Variants in KIFC3 observed in about 807,000 individuals in gnomAD.
KIFC3 encodes kinesin-like protein KIFC3.
In KIFC3, 60 loss-of-function variants were observed where a neutral mutation model predicts 101.8. The ratio of observed to expected loss-of-function variants is 0.59; its 90% confidence interval spans 0.48 to 0.73. The LOEUF is 0.73. Ranked by LOEUF, KIFC3 falls within the 30% of genes least tolerant of loss-of-function variation. KIFC3 has a pLI of 0.00. For synonymous variants in KIFC3, 476 were observed against 482.7 expected (o/e 0.99, Z 0.18); for missense variants, 966 against 1,137.1 (o/e 0.85, Z 2.16).
chr16:57,785,345 G>A (rs998144923), intron 3 of KIFC3: 2 of 438,900 alleles, frequency 4.6e-6, no homozygotes, highest in African/African-American at 2.1e-5. Context: ...TCCAGGAAAC[G>A]AGACCCCAGC....
At chr16:57,764,023 C>T in intron 12 of KIFC3, 120 bp downstream of exon 12, 1 of 753,868 alleles carries the variant, frequency 1.3e-6, no homozygotes, top group Non-Finnish European at 2.3e-6. Flanking sequence ...GCCTCTGCTC[C>T]TGGGTTGTGA....
At chr16:57,815,011 C>T (rs1293208140) in intron 1 of KIFC3, among the ~76,000 whole-genome samples, 1 of 152,184 alleles carries the variant, frequency 6.6e-6, no homozygotes, top group African/African-American at 2.4e-5. Context: ...GAACTGAAAC[C>T]AGCCTTAGGT....
At chr16:57,803,999 G>A (rs767269263), upstream of KIFC3, among the ~76,000 whole-genome samples, 39 of 152,116 alleles carry the variant, frequency 2.6e-4, no homozygotes, top group Non-Finnish European at 5.1e-4. Context: ...CGGGGGATGG[G>A]GAGGACAGAA....
In KIFC3 at chr16:57,769,820, C is replaced by A; in HGVS notation, c.1075G>T (p.Glu359Ter). 6.2e-7 allele frequency: 1 copy of A among 1,613,472 alleles called. No individual in the cohort carries two copies. Among genetic ancestry groups the A allele is most frequent in the Non-Finnish European group, 8.5e-7 (1 of 1,179,992 alleles). Reference sequence around the variant, plus strand: ...CTGGTCAGCTCACCTGCTAGATTCTCGTGCACAGCCTTCATCTCCACCTGG... The same window carrying A: ...CTGGTCAGCTCACCTGCTAGATTCTAGTGCACAGCCTTCATCTCCACCTGG... Reference protein sequence around the residue: ...RAQVEMKAVHENLAGVRTNLL... With the variant: ...RAQVEMKAVH The change falls in exon 8 of 20, where the codon GAG (glutamate) becomes TAG (stop). Residue 359 changes from glutamate (E) to a stop codon, truncating the protein, a stop_gained. Coordinates refer to ENST00000445690, the MANE Select transcript of KIFC3 (RefSeq NM_001130100.2). LOFTEE classifies it high-confidence loss of function. The surrounding 1 kb of genome is among the most constrained non-coding windows in gnomAD (Gnocchi z 4.3).
chr16:57,769,446 A>C lies in KIFC3; in HGVS notation c.1218+149T>G, dbSNP rs1479712325. The C allele has an allele frequency of 2.2e-5, 21 of 945,602 alleles. No homozygotes were observed. Among genetic ancestry groups the C allele is most frequent in the Non-Finnish European group, 1.7e-5 (11 of 649,018 alleles). 58.6% of individuals were successfully genotyped at this position (945,602 alleles called of 1,614,324 possible). ...AGTCTAGTTTCAAACAGGGCCTATA[A>C]GGGCAGCAGTAAGTGTCATGGGGGG... On this transcript the variant is annotated intron_variant, in intron 9 of 19. Transcript: ENST00000445690. This position sits in a 1 kb window ranked among gnomAD's most constrained non-coding sequence, Gnocchi z 4.3.
chr16:57,784,206 G>A (rs2053074937), intron 3 of KIFC3, among the ~76,000 whole-genome samples: 2 of 152,352 alleles, frequency 1.3e-5, no homozygotes, highest in Non-Finnish European at 2.9e-5. Context: ...CAAAAGGGGC[G>A]TGCACAAATA....
intron 3 of KIFC3, among the ~76,000 whole-genome samples, chr16:57,786,278 G>C (rs980158796): frequency 3.3e-5 from 5 of 152,216 alleles, no homozygotes; most frequent in African/African-American, 1.2e-4. Context: ...CCAGGCAAGA[G>C]AGAGGGAAAC....
intron 2 of KIFC3, 108 bp from the exon 3 acceptor site, chr16:57,795,249 T>C: frequency 7.5e-7 from 1 of 1,335,346 alleles, no homozygotes; most frequent in Non-Finnish European, 1.0e-6. Context: ...CACACATCCC[T>C]GGCTGGTCCA....
At chr16:57,780,722 T>C (rs1555614091) in intron 3 of KIFC3, among the ~76,000 whole-genome samples, 4 of 130,572 alleles carry the variant, frequency 3.1e-5, no homozygotes, top group Non-Finnish European at 6.3e-5. Context: ...TCACCCAGGC[T>C]GGAGTGCAGT....
intron 17 of KIFC3, 66 bp from the exon 18 acceptor site, chr16:57,759,902 T>G (rs2049623713): frequency 4.9e-6 from 6 of 1,235,306 alleles, no homozygotes; most frequent in Non-Finnish European, 5.7e-6. Flanking sequence ...CTGCTGTGCT[T>G]CTCTCTACTC....
intron 4 of KIFC3, 50 bp downstream of exon 4, chr16:57,772,173 A>C: frequency 6.5e-7 from 1 of 1,549,800 alleles, no homozygotes; most frequent in Non-Finnish European, 8.8e-7. Flanking sequence ...GCCCATCTGC[A>C]CAAGGCAGGC....
At chr16:57,777,738 A>T (rs554525562) in intron 3 of KIFC3, among the ~76,000 whole-genome samples, 101 of 149,644 alleles carry the variant, frequency 6.7e-4, no homozygotes, top group Non-Finnish European at 7.4e-4. Flanking sequence ...AAAAAAATTA[A>T]AAAAAAAAAA....
At position 57,759,817 on chromosome 16, in the gene KIFC3, G is replaced by T. The variant is rs554025520; in HGVS notation, c.2387C>A (p.Thr796Lys). Reference sequence around the variant, plus strand: ...GTGGGCCCGTGCCGAGGGCTGTGGCGTCTGACAAGCCGGCTCCCACTGTGA... The same window carrying T: ...GTGGGCCCGTGCCGAGGGCTGTGGCTTCTGACAAGCCGGCTCCCACTGTGA... ...EHLEWEPACQ[T>K]PQPSARAHSA... Residue 796 changes from threonine to lysine, a missense_variant, in exon 18 of 20, where the codon ACG becomes AAG. Around this residue, in one of 2 missense-constraint regions of KIFC3, gnomAD observed 689 missense variants for 884.6 expected, o/e 0.78. Coordinates refer to ENST00000445690, the MANE Select transcript of KIFC3 (RefSeq NM_001130100.2). The T allele has an allele frequency of 1.9e-6, 3 of 1,609,062 alleles. No individual in the cohort carries two copies. The African/African-American group carries it at 4.0e-5, about 22-fold the overall frequency.
At chr16:57,804,754 T>C (rs891189944), upstream of KIFC3, among the ~76,000 whole-genome samples, 5 of 151,576 alleles carry the variant, frequency 3.3e-5, no homozygotes, top group African/African-American at 1.2e-4. Flanking sequence ...TGTGCCTAGC[T>C]AATTTTTTTT....
rs1380409146 is a variant in KIFC3, at chr16:57,802,391, C to T, written c.-61G>A. The T allele has an allele frequency of 3.1e-6, 3 of 983,400 alleles. No homozygotes were observed. Among genetic ancestry groups the T allele is most frequent in the East Asian group, 2.3e-4 (2 of 8,776 alleles). 60.9% of individuals were successfully genotyped at this position (983,400 alleles called of 1,614,324 possible). On this transcript the variant is annotated 5_prime_UTR_variant, in exon 1 of 20. Coordinates refer to ENST00000445690, the MANE Select transcript of KIFC3 (RefSeq NM_001130100.2). The surrounding 1 kb of genome is among the most constrained non-coding windows in gnomAD (Gnocchi z 5.0). ...TCACCGGCCTGGCGGAGGCAGGATC[C>T]AGGCGTCGCCGCAGCGCCCGGGGCT...
chr16:57,830,204 C>CCT (rs2055546587), intron 1 of KIFC3, among the ~76,000 whole-genome samples: 1 of 151,514 alleles, frequency 6.6e-6, no homozygotes, highest in Non-Finnish European at 1.5e-5. Context: ...AGTGACCTTA[C>CCT]CTCTCTGACT....
At chr16:57,852,417 G>A (rs1401590102) in intron 1 of KIFC3, among the ~76,000 whole-genome samples, 1 of 152,168 alleles carries the variant, frequency 6.6e-6, no homozygotes, top group Non-Finnish European at 1.5e-5. Context: ...TGAGACCTAA[G>A]AGAAGGCAGG....
chr16:57,823,843 G>T (rs2055406358), intron 1 of KIFC3, among the ~76,000 whole-genome samples: 2 of 151,046 alleles, frequency 1.3e-5, no homozygotes, highest in African/African-American at 2.4e-5. Context: ...TGGCCAGGCT[G>T]GCCTCAAACT....
At chr16:57,826,983 T>C (rs2055472333) in intron 1 of KIFC3, among the ~76,000 whole-genome samples, 1 of 152,312 alleles carries the variant, frequency 6.6e-6, no homozygotes, top group African/African-American at 2.4e-5. Context: ...GCCTTGGGAC[T>C]GTGAAACCAG....
Sources: allele counts gnomAD v4.1 joint callset (sites outside exome capture counted in the v4.1 genomes callset), GRCh38; gene constraint gnomAD v4.1.1; regional missense constraint gnomAD v4.1.1; non-coding constraint Gnocchi (gnomAD v3.1); transcripts MANE v1.5; gene names NCBI Gene and HGNC (gene_info 2026-07-23, HGNC 2026-07-21).